PKD1: variants seen among roughly 807,000 people sequenced by gnomAD.
PKD1 encodes polycystin 1, transient receptor potential channel interacting.
A neutral mutation model predicts 361.7 loss-of-function variants in PKD1; 81 were observed. The observed-to-expected ratio is 0.22, with a 90% CI of 0.19 to 0.27. The LOEUF (loss-of-function observed/expected upper bound fraction) is 0.27, where lower values mean the gene tolerates loss of function less well. Ranked by LOEUF, PKD1 falls within the 10% of genes least tolerant of loss-of-function variation. PKD1 has a pLI of 1.00. For missense variants in PKD1, 6,399 were observed against 6,118.3 expected (o/e 1.05, Z -1.53); for synonymous variants, 3,615 against 2,818.3 (o/e 1.28, Z -8.95).
rs1371576531 is a variant in PKD1 at position 2,108,305 on chromosome 16, C to T, written c.6862G>A (p.Asp2288Asn). Reference protein sequence around the residue: ...GSESYDPNLEDGDQTPLSFHW... With the variant: ...GSESYDPNLENGDQTPLSFHW... ...AAACTGAGCGGCGTCTGGTCGCCGT[C>T]CTCCAGGTTGGGGTCGTAGGACTCG... The change falls in exon 15 of 46, where the codon GAC (aspartate) becomes AAC (asparagine). Residue 2288 changes from aspartate (D) to asparagine (N), a missense_variant. Coordinates refer to ENST00000262304, the MANE Select transcript of PKD1 (RefSeq NM_001009944.3). 6.2e-7 allele frequency: 1 copy of T among 1,602,488 alleles called. No homozygotes were observed. Among genetic ancestry groups the T allele is most frequent in the African/African-American group, 1.3e-5 (1 of 74,856 alleles).
Position 2,093,589 on chromosome 16 carries a change from G to C in PKD1, c.10971C>G (p.Ala3657=). The C allele has an allele frequency of 6.2e-7, 1 of 1,608,486 alleles. No homozygotes were observed. Among genetic ancestry groups the C allele is most frequent in the Non-Finnish European group, 8.5e-7 (1 of 1,177,798 alleles). The stretch of plus-strand genomic sequence containing the variant: ...TCTTGACCTTGCGGGCTTCTTCCTT[G>C]GCCAGGAAGAGTGCAAAGCCGTGGG... ...RPPHGFALFL[A]KEEARKVKRL... is the part of the protein sequence containing the mutation. Residue 3657 remains alanine, a synonymous_variant, in exon 37 of 46, where the codon GCC becomes GCG. Transcript: ENST00000262304.
chr16:2,131,086 A>G (rs1026458256), intron 1 of PKD1, among the ~76,000 whole-genome samples: 1 of 152,136 alleles, frequency 6.6e-6, no homozygotes, highest in African/African-American at 2.4e-5. Context: ...CAAAGCACAC[A>G]CTCACAGCAC....
chr16:2,094,052 A>G, intron 35 of PKD1, 39 bp from the exon 36 acceptor site: 3 of 1,591,124 alleles, frequency 1.9e-6, no homozygotes, highest in Non-Finnish European at 1.7e-6. Context: ...GGCAGCTCAC[A>G]GGGAGGGGCT....
Position 2,100,450 on chromosome 16 carries a change from T to A in PKD1, c.9514A>T (p.Thr3172Ser). 1 of 1,610,946 alleles carries A rather than the reference T, an allele frequency of 6.2e-7. No homozygotes were observed. Among genetic ancestry groups the A allele is most frequent in the South Asian group, 1.1e-5 (1 of 90,986 alleles). ...CACACGCTACCCAGGCTGTGCGGGG[T>A]GGCGATCCGGAAGATGTCCAGGCTG... ...RNSLDIFRIA[T>S]PHSLGSVWKI... is the part of the protein sequence containing the mutation. The change falls in exon 27 of 46, where the codon ACC becomes TCC. Residue 3172 changes from threonine to serine, a missense_variant. Coordinates refer to ENST00000262304, the MANE Select transcript of PKD1 (RefSeq NM_001009944.3). The surrounding 1 kb of genome is among the most constrained non-coding windows in gnomAD (Gnocchi z 4.4).
chr16:2,097,370 C>G lies in PKD1; in HGVS notation c.10354G>C (p.Gly3452Arg). The change falls in exon 33 of 46, where the codon GGC becomes CGC. Residue 3452 changes from glycine (G) to arginine (R), a missense_variant. Physicochemically the swap from Gly to Arg is moderately radical, Grantham distance 125. Coordinates refer to ENST00000262304, the MANE Select transcript of PKD1 (RefSeq NM_001009944.3). ...GAGTAGGGGCTGGCCAGGGAGAAGC[C>G]GTCCTCCTCTGGGCCCAGCCCATGG... Reference protein sequence around the residue: ...AGHGLGPEEDGFSLASPYSPA... With the variant: ...AGHGLGPEEDRFSLASPYSPA... The G allele has an allele frequency of 1.2e-6, 2 of 1,611,918 alleles. No homozygotes were observed. The highest frequency in any genetic ancestry group is 1.7e-6 in the Non-Finnish European group (2 of 1,179,914).
Position 2,107,916 on chromosome 16 carries a change from C to G in PKD1, c.7032G>C (p.Lys2344Asn), listed in dbSNP as rs1328074059. The G allele has an allele frequency of 6.5e-7, 1 of 1,545,712 alleles. No homozygotes were observed. The highest frequency in any genetic ancestry group is 2.3e-4 in the Middle Eastern group (1 of 4,360). Residue 2344 changes from lysine to asparagine, a missense_variant, in exon 16 of 46, where the codon AAG becomes AAC. Lys to Asn is a moderately conservative substitution (Grantham distance 94, BLOSUM62 0). Transcript: ENST00000262304. ...TGGTGGCCTCCTCCTTGCGGCCGGCCTTCCACACGGTCAGGCTGAAGGTGT... is the reference window on the plus strand; with the variant it reads ...TGGTGGCCTCCTCCTTGCGGCCGGCGTTCCACACGGTCAGGCTGAAGGTGT... Reference protein sequence around the residue: ...VEYTFSLTVWKAGRKEEATNQ... With the variant: ...VEYTFSLTVWNAGRKEEATNQ...
rs1340112481 is a variant in PKD1, at chr16:2,093,835, T to A, written c.10797A>T (p.Ser3599=). The change falls in exon 36 of 46, where the codon TCA becomes TCT. Residue 3599 remains serine, a synonymous_variant. Transcript: ENST00000262304. ...LLSSSASFLA[S]FLGWEPLKVL... is the part of the protein sequence containing the mutation. ...CCTTCAGTGGCTCCCAGCCGAGGAATGAGGCCAGGAAGCTGGCGCTGCTGG... is the reference window on the plus strand; with the variant it reads ...CCTTCAGTGGCTCCCAGCCGAGGAAAGAGGCCAGGAAGCTGGCGCTGCTGG... 1 of 1,562,032 alleles carries A rather than the reference T, an allele frequency of 6.4e-7. No individual in the cohort carries two copies. Among genetic ancestry groups the A allele is most frequent in the South Asian group, 1.2e-5 (1 of 86,346 alleles).
intron 6 of PKD1, 125 bp from the exon 7 acceptor site, chr16:2,117,178 C>G: frequency 1.5e-6 from 1 of 665,932 alleles, no homozygotes; most frequent in Non-Finnish European, 2.6e-6. Flanking sequence ...GCTCAGAGCC[C>G]GGAGACCAGG....
intron 34 of PKD1, chr16:2,096,923 A>T: frequency 3.4e-6 from 2 of 587,090 alleles, no homozygotes; most frequent in South Asian, 2.1e-5. Flanking sequence ...GCTCCTACAA[A>T]GCCCCATGAG....
chr16:2,090,244 C>T (rs1567145407), intron 45 of PKD1, 41 bp downstream of exon 45: 1 of 1,609,124 alleles, frequency 6.2e-7, no homozygotes, highest in Non-Finnish European at 8.5e-7. Flanking sequence ...CTGGGCAGAG[C>T]CCAGGGCGTG....
intron 1 of PKD1, among the ~76,000 whole-genome samples, chr16:2,133,732 A>G (rs895988253): frequency 1.1e-4 from 17 of 150,728 alleles, no homozygotes; most frequent in Admixed American, 6.6e-5. Flanking sequence ...CCACCTGCCC[A>G]CATGAGGTCA....
rs774573648 is a variant in PKD1 at position 2,090,752 on chromosome 16, G to A, written c.12060C>T (p.Cys4020=). Residue 4020 remains cysteine (C), a synonymous_variant, in exon 44 of 46, where the codon TGC becomes TGT. Transcript: ENST00000262304. ...CCCCCAGGAGCTCTGGCAGAGCTCG[G>A]CATAATGTCTTGCCAAAGACGGACC... ...RQWSVFGKTL[C]RALPELLGVT... The A allele has an allele frequency of 5.6e-6, 9 of 1,612,612 alleles. No individual in the cohort carries two copies. The South Asian group carries it at 8.8e-5, about 16-fold the overall frequency.
rs1033455039 is a variant in PKD1 at position 2,097,193 on chromosome 16, G to A, written c.10454C>T (p.Ala3485Val). The A allele has an allele frequency of 3.8e-6, 6 of 1,562,606 alleles. No homozygotes were observed. Among genetic ancestry groups the A allele is most frequent in the Middle Eastern group, 1.7e-4 (1 of 5,994 alleles). Reference protein sequence around the residue: ...QVLAEGVSSPAPTQDTHMETD... With the variant: ...QVLAEGVSSPVPTQDTHMETD... Reference sequence around the variant, plus strand: ...TTCCATGTGGGTGTCTTGGGTAGGGGCTGGGCTGCTGACCCCCTCGGCAAG... The same window carrying A: ...TTCCATGTGGGTGTCTTGGGTAGGGACTGGGCTGCTGACCCCCTCGGCAAG... The change falls in exon 34 of 46, where the codon GCC (alanine) becomes GTC (valine). Residue 3485 changes from alanine to valine, a missense_variant. Transcript: ENST00000262304.
chr16:2,092,283 C>T (rs2091628580), intron 39 of PKD1, 95 bp from the exon 40 acceptor site: 8 of 1,381,354 alleles, frequency 5.8e-6, no homozygotes, highest in Non-Finnish European at 7.9e-6. Context: ...TCTGGTTCGG[C>T]GCCACCCCAG....
Position 2,094,101 on chromosome 16 carries a change from A to C in PKD1, c.10609T>G (p.Ser3537Ala). Residue 3537 changes from serine to alanine, a missense_variant, in exon 35 of 46, where the codon TCC (serine) becomes GCC (alanine). By Grantham distance (99) the Ser-to-Ala change is moderately conservative (BLOSUM62 1). Coordinates refer to ENST00000262304, the MANE Select transcript of PKD1 (RefSeq NM_001009944.3). ...NWEQPQAARL[S>A]RTGLVEGLRK... Reference sequence around the variant, plus strand: ...GGCTACGCAAGCACACCTGTCCTGGACAGCCTCGCTGCCTGGGGCTGTTCC... The same window carrying C: ...GGCTACGCAAGCACACCTGTCCTGGCCAGCCTCGCTGCCTGGGGCTGTTCC... 6.3e-7 allele frequency: 1 copy of C among 1,591,682 alleles called. No homozygotes were observed. The highest frequency in any genetic ancestry group is 8.6e-7 in the Non-Finnish European group (1 of 1,168,408).
At position 2,108,762 on chromosome 16, in the gene PKD1, C is replaced by A. The variant is rs754384338; in HGVS notation, c.6405G>T (p.Ala2135=). The change falls in exon 15 of 46, where the codon GCG becomes GCT. Residue 2135 remains alanine, a synonymous_variant. Transcript: ENST00000262304. ...GCACCTGGACGGTCACCGTGGCCTG[C>A]GCCACGAAGAAGCTCACCAGGTTGG... ...NASNLVSFFV[A]QATVTVQVLA... is the part of the protein sequence containing the mutation. The A allele has an allele frequency of 1.0e-5, 16 of 1,570,254 alleles. No homozygotes were observed. The highest frequency in any genetic ancestry group is 1.4e-5 in the Non-Finnish European group (16 of 1,159,112).
rs542085805 is a variant in PKD1, at chr16:2,105,410, C to A, written c.7928G>T (p.Arg2643Leu). ...CACCAGAGTCTCCGTGATGTTCTTGCGTATCTGGGCTCGGTGCTGCCGCTC... is the reference window on the plus strand; with the variant it reads ...CACCAGAGTCTCCGTGATGTTCTTGAGTATCTGGGCTCGGTGCTGCCGCTC... ...KHERQHRAQI[R>L]KNITETLVSL... The change falls in exon 21 of 46, where the codon CGC becomes CTC. Residue 2643 changes from arginine (R) to leucine (L), a missense_variant. Coordinates refer to ENST00000262304, the MANE Select transcript of PKD1 (RefSeq NM_001009944.3). The A allele has an allele frequency of 3.7e-5, 58 of 1,584,728 alleles. No homozygotes were observed. In the South Asian group the frequency reaches 6.2e-4, roughly 17 times the overall value.
At chr16:2,130,469 A>G (rs1218161677) in intron 1 of PKD1, among the ~76,000 whole-genome samples, 1 of 152,198 alleles carries the variant, frequency 6.6e-6, no homozygotes, top group African/African-American at 2.4e-5. Context: ...TCCTTGGAGA[A>G]TCATCTGCGT....
rs374776444 is a variant in PKD1, at chr16:2,111,242, G to A, written c.3925C>T (p.Pro1309Ser). 7.5e-6 allele frequency: 12 copies of A among 1,610,608 alleles called. No individual in the cohort carries two copies. Among genetic ancestry groups the A allele is most frequent in the South Asian group, 2.2e-5 (2 of 91,018 alleles). The change falls in exon 15 of 46, where the codon CCT becomes TCT. Residue 1309 changes from proline to serine, a missense_variant. Transcript: ENST00000262304. ...VEPAACIPTQ[P>S]DARLTAYVTG... ...ACGTAGGCCGTGAGCCGCGCGTCAGGCTGCGTGGGGATGCAGGCGGCGGGT... is the reference window on the plus strand; with the variant it reads ...ACGTAGGCCGTGAGCCGCGCGTCAGACTGCGTGGGGATGCAGGCGGCGGGT...
Sources: allele counts gnomAD v4.1 joint callset (sites outside exome capture counted in the v4.1 genomes callset), GRCh38; gene constraint gnomAD v4.1.1; non-coding constraint Gnocchi (gnomAD v3.1); transcripts MANE v1.5; gene names NCBI Gene and HGNC (gene_info 2026-07-23, HGNC 2026-07-21).